Variants in TMEM209 observed in about 807,000 individuals in gnomAD.
The protein encoded by TMEM209 is testicular tissue protein Li 202.
TMEM209 carries 65 observed loss-of-function variants against 76.2 expected under a neutral mutation model. The observed-to-expected ratio is 0.85, with a 90% CI of 0.70 to 1.05. TMEM209 has a LOEUF of 1.05. TMEM209 is among the 50% of genes least tolerant of loss of function. The pLI, the probability that TMEM209 is intolerant of heterozygous loss-of-function variation, is 0.00. For missense variants in TMEM209, 623 were observed against 685.5 expected, an observed-to-expected ratio of 0.91 and a Z score of 1.02; for synonymous variants, 239 against 237.6, an observed-to-expected ratio of 1.01 and a Z score of -0.06.
chr7:130,204,428 G>A (rs1053155532), intron 1 of TMEM209, among the ~76,000 whole-genome samples: 12 of 152,220 alleles, frequency 7.9e-5, no homozygotes, highest in Admixed American at 2.6e-4. Context: ...TGCAACCTCC[G>A]CCTCCCGGGT....
At chr7:130,192,397 CT>C (rs1797827543) in intron 6 of TMEM209, 1 of 502,086 alleles carries the variant, frequency 2.0e-6, no homozygotes, top group African/African-American at 1.9e-5. Context: ...TACGAAAAAG[CT>C]TTCAATCTTA....
At chr7:130,178,741 TAGC>T (rs1797321158) in intron 9 of TMEM209, among the ~76,000 whole-genome samples, 1 of 152,106 alleles carries the variant, frequency 6.6e-6, no homozygotes, top group African/African-American at 2.4e-5. Context: ...TTTTCCTCCT[TAGC>T]ACTAACCACT....
chr7:130,176,135 CAG>C (rs1386313149), intron 10 of TMEM209, among the ~76,000 whole-genome samples: 7 of 138,512 alleles, frequency 5.1e-5, no homozygotes, highest in Non-Finnish European at 7.7e-5. Flanking sequence ...TTTTTTGAGA[CAG>C]AGTCTCGCTC....
chr7:130,204,617 GGCGTGAGCCACCGC>G, intron 1 of TMEM209, among the ~76,000 whole-genome samples: 1 of 152,322 alleles, frequency 6.6e-6, no homozygotes, highest in Middle Eastern at 3.4e-3. Context: ...TGGGATTACA[GGCGTGAGCCACCGC>G]GCCCAGCCGT....
intron 5 of TMEM209, 88 bp from the exon 6 acceptor site, chr7:130,192,911 G>C: frequency 7.8e-7 from 1 of 1,285,750 alleles, no homozygotes; most frequent in Non-Finnish European, 1.1e-6. Context: ...ACACCTAGTA[G>C]AATGGCGAAA....
intron 6 of TMEM209, among the ~76,000 whole-genome samples, chr7:130,187,651 T>TAA (rs200046329): frequency 5.0e-4 from 66 of 132,622 alleles, no homozygotes; most frequent in Admixed American, 9.9e-4. Context: ...TTGGGAGACT[T>TAA]AAAAAAAAAA....
Position 130,175,698 on chromosome 7 carries a change from A to C in TMEM209, c.1247-89T>G, listed in dbSNP as rs529975975. ...CTAAGGGAATATAATAAGGGAAGCAAATCATTTAAAAAACTTGATCAAAAC... is the reference window on the plus strand; with the variant it reads ...CTAAGGGAATATAATAAGGGAAGCACATCATTTAAAAAACTTGATCAAAAC... On this transcript the variant is annotated intron_variant, in intron 10 of 14. Transcript: ENST00000397622. 3.3e-5 allele frequency: 34 copies of C among 1,018,384 alleles called. No homozygotes were observed. In the South Asian group the frequency reaches 5.3e-4, roughly 16 times the overall value. 63.1% of individuals were successfully genotyped at this position (1,018,384 alleles called of 1,614,324 possible). A position where few individuals can be genotyped will look rare whatever the true frequency, so the allele number is the denominator to read the frequency against.
intron 13 of TMEM209, among the ~76,000 whole-genome samples, chr7:130,173,065 A>G (rs1797125660): frequency 6.6e-6 from 1 of 151,930 alleles, no homozygotes; most frequent in Non-Finnish European, 1.5e-5. Context: ...TATGTTATAA[A>G]GCTAATATTT....
rs762087668 is a variant in TMEM209 at position 130,202,064 on chromosome 7, A to AGATCATGT, written c.351_358dup (p.Leu120HisfsTer24). ...AGCGGGAGGGATTTGGGTTGCTGCC[A>AGATCATGT]GATCATGTGGAGGCGTAGTCTGTAC... On this transcript the variant is annotated frameshift_variant, in exon 5 of 15. Transcript: ENST00000397622. LOFTEE classifies it high-confidence loss of function. 1 of 1,613,906 alleles carries AGATCATGT rather than the reference A, an allele frequency of 6.2e-7. No individual in the cohort carries two copies. The highest frequency in any genetic ancestry group is 8.5e-7 in the Non-Finnish European group (1 of 1,179,860).
chr7:130,170,370 T>C (rs1259812398), intron 14 of TMEM209, 30 bp downstream of exon 14: 2 of 1,562,548 alleles, frequency 1.3e-6, no homozygotes, highest in South Asian at 1.1e-5. Context: ...AGTAAATAAC[T>C]ACTTACGTTT....
chr7:130,204,587 G>T (rs1377779193), intron 1 of TMEM209, among the ~76,000 whole-genome samples: 2 of 152,122 alleles, frequency 1.3e-5, no homozygotes, highest in Non-Finnish European at 1.5e-5. Flanking sequence ...TGATCCACCC[G>T]CCTCGGCCTC....
rs1465880423 is a variant in TMEM209, at chr7:130,204,070, C to A, written c.44G>T (p.Arg15Ile). ...EAHPSASLID[R>I]TIKMRKETEA... ...TGTTTCTTTTCTCATCTTGATGGTT[C>A]TGTCAATAAGGGAAGCACTAGGGTG... The change falls in exon 2 of 15, where the codon AGA becomes ATA. Residue 15 changes from arginine to isoleucine, a missense_variant. By Grantham distance (97) the Arg-to-Ile change is moderately conservative (BLOSUM62 -3). Coordinates refer to ENST00000397622, the MANE Select transcript of TMEM209 (RefSeq NM_032842.4). 3.7e-6 allele frequency: 6 copies of A among 1,612,822 alleles called. No homozygotes were observed. Among genetic ancestry groups the A allele is most frequent in the Non-Finnish European group, 5.1e-6 (6 of 1,179,426 alleles).
At chr7:130,180,775 T>A (rs1371078162) in intron 9 of TMEM209, among the ~76,000 whole-genome samples, 1 of 152,196 alleles carries the variant, frequency 6.6e-6, no homozygotes, top group Non-Finnish European at 1.5e-5. Flanking sequence ...TGAGACATCA[T>A]TTCACGCCTA....
At chr7:130,204,212 A>T in intron 1 of TMEM209, 102 bp from the exon 2 acceptor site, 3 of 1,234,692 alleles carry the variant, frequency 2.4e-6, no homozygotes, top group Non-Finnish European at 3.3e-6. Flanking sequence ...AACCGCATAT[A>T]CCTTCTCTCA....
chr7:130,183,122 G>C (rs530017419), intron 8 of TMEM209, among the ~76,000 whole-genome samples: 5 of 152,280 alleles, frequency 3.3e-5, no homozygotes, highest in African/African-American at 1.2e-4. Context: ...GTCTGACTAA[G>C]ACTTCATATT....
intron 6 of TMEM209, among the ~76,000 whole-genome samples, chr7:130,189,795 A>T: frequency 6.6e-6 from 1 of 152,234 alleles, no homozygotes; most frequent in Non-Finnish European, 1.5e-5. Context: ...ATATCTGTGT[A>T]TATGTCCATA....
At chr7:130,188,630 T>C (rs929513517) in intron 6 of TMEM209, among the ~76,000 whole-genome samples, 2 of 146,486 alleles carry the variant, frequency 1.4e-5, no homozygotes, top group African/African-American at 5.0e-5. Context: ...AGAAAATCTC[T>C]ACTTTATAAT....
At chr7:130,199,516 A>G (rs957632346) in intron 5 of TMEM209, among the ~76,000 whole-genome samples, 3 of 152,116 alleles carry the variant, frequency 2.0e-5, no homozygotes, top group Non-Finnish European at 2.9e-5. Flanking sequence ...CGCTGCGCCC[A>G]GCCGTCACCT....
chr7:130,202,615 C>T lies in TMEM209; in HGVS notation c.248G>A (p.Trp83Ter), dbSNP rs1748597770. 6.2e-7 allele frequency: 1 copy of T among 1,613,678 alleles called. No individual in the cohort carries two copies. The highest frequency in any genetic ancestry group is 8.5e-7 in the Non-Finnish European group (1 of 1,179,782). ...TGCCACAGTATATTTGAAATATCTC[C>T]AAAAATCAAATAAGGCATTAAGGCT... ...LFSLNALFDFWRYFKYTVAPT... is the reference protein window; with the variant it reads ...LFSLNALFDF The change falls in exon 4 of 15, where the codon TGG becomes TAG. Residue 83 changes from tryptophan to a stop codon, truncating the protein, a stop_gained. Transcript: ENST00000397622. LOFTEE classifies it high-confidence loss of function.
Sources: gnomAD v4.1 joint callset for allele counts (sites outside exome capture counted in the v4.1 genomes callset) on GRCh38, gnomAD v4.1.1 for gene constraint, MANE v1.5 for transcripts, NCBI Gene and HGNC (gene_info 2026-07-23, HGNC 2026-07-21) for gene names.